Variants in SYT1 observed in about 807,000 individuals in gnomAD.
SYT1 encodes synaptotagmin 1, also known as synaptotagmin-1.
Under a neutral mutation model 44.8 loss-of-function variants are expected in SYT1, and 8 were observed. The ratio of observed to expected loss-of-function variants is 0.18; its 90% CI spans 0.10 to 0.32. The LOEUF is 0.32. Ranked by LOEUF, SYT1 falls within the 10% of genes least tolerant of loss-of-function variation. The pLI is 1.00. For missense variants in SYT1, 286 were observed against 509.3 expected (o/e 0.56, Z 4.22); for synonymous variants, 154 against 188.8 (o/e 0.82, Z 1.51).
intron 1 of SYT1, among the ~76,000 whole-genome samples, chr12:78,950,955 T>A (rs746596379): frequency 6.6e-5 from 10 of 152,054 alleles, no homozygotes; most frequent in Non-Finnish European, 1.5e-4. Context: ...TATTTCTACA[T>A]TTTAAATACA....
chr12:79,018,179 T>C (rs1365244080), intron 2 of SYT1, among the ~76,000 whole-genome samples: 1 of 151,472 alleles, frequency 6.6e-6, no homozygotes, highest in Non-Finnish European at 1.5e-5. Context: ...AAATGATGAG[T>C]TCATGTCCTT....
At chr12:79,061,335 T>A (rs1410894849) in intron 3 of SYT1, among the ~76,000 whole-genome samples, 1 of 151,980 alleles carries the variant, frequency 6.6e-6, no homozygotes, top group Non-Finnish European at 1.5e-5. Flanking sequence ...ATATTATATA[T>A]CCTATAATAC....
At chr12:78,969,811 G>A (rs931492916) in intron 1 of SYT1, among the ~76,000 whole-genome samples, 1 of 152,146 alleles carries the variant, frequency 6.6e-6, no homozygotes, top group Non-Finnish European at 1.5e-5. Flanking sequence ...CTTGCATTTT[G>A]AGTATTGCAT....
rs533702073 is a variant in SYT1 at position 79,267,904 on chromosome 12, T to A, written c.167-17883T>A. On this transcript the variant is annotated intron_variant, in intron 4 of 10. Transcript: ENST00000261205. ...CATTCCAATACTGTGAAGATATAGATGGCTTTGCCTTATCATTTAAAGCAG... is the reference window on the plus strand; with the variant it reads ...CATTCCAATACTGTGAAGATATAGAAGGCTTTGCCTTATCATTTAAAGCAG... 4.6e-5 allele frequency among the ~76,000 whole-genome samples: 7 copies of A among 152,354 alleles called. No homozygotes were observed. In the South Asian group the frequency reaches 1.5e-3, roughly 32 times the overall value.
chr12:79,062,421 G>A (rs1875460380), intron 3 of SYT1, among the ~76,000 whole-genome samples: 2 of 152,138 alleles, frequency 1.3e-5, no homozygotes, highest in Admixed American at 1.3e-4. Context: ...GTTCCCCACT[G>A]TGCATGAAGT....
intron 1 of SYT1, among the ~76,000 whole-genome samples, chr12:78,903,627 A>G (rs1735328736): frequency 6.6e-6 from 1 of 152,104 alleles, no homozygotes; most frequent in Non-Finnish European, 1.5e-5. Flanking sequence ...TTTTATAATT[A>G]TCTGTACAAT....
chr12:79,179,017 TATAG>T (rs1872127517), intron 3 of SYT1, among the ~76,000 whole-genome samples: 2 of 37,278 alleles, frequency 5.4e-5, no homozygotes, highest in Non-Finnish European at 1.1e-4. Context: ...GATATATAGA[TATAG>T]ATATAGATAT....
chr12:78,898,446 C>T (rs1334974169), intron 1 of SYT1, among the ~76,000 whole-genome samples: 2 of 152,056 alleles, frequency 1.3e-5, no homozygotes, highest in Non-Finnish European at 2.9e-5. Flanking sequence ...CAAAGAATTA[C>T]AAACAACATA....
intron 1 of SYT1, among the ~76,000 whole-genome samples, chr12:78,973,077 C>T (rs897822059): frequency 1.3e-5 from 2 of 152,082 alleles, no homozygotes; most frequent in Non-Finnish European, 1.5e-5. Flanking sequence ...TTTATTTACA[C>T]CTTTTTAATA....
chr12:79,163,326 A>G (rs1409674396), intron 3 of SYT1, among the ~76,000 whole-genome samples: 1 of 152,074 alleles, frequency 6.6e-6, no homozygotes, highest in African/African-American at 2.4e-5. Context: ...TCCTCTGTTT[A>G]AAAGAACTAA....
intron 7 of SYT1, among the ~76,000 whole-genome samples, chr12:79,296,874 T>G (rs971524952): frequency 6.6e-6 from 1 of 151,940 alleles, no homozygotes; most frequent in African/African-American, 2.4e-5. Flanking sequence ...CCTGCAGGTC[T>G]CCAGGATCTT....
At chr12:79,255,314 C>G (rs909530263) in intron 4 of SYT1, among the ~76,000 whole-genome samples, 1 of 152,184 alleles carries the variant, frequency 6.6e-6, no homozygotes, top group Admixed American at 6.5e-5. Context: ...CTCAGATGAT[C>G]GTCAGCATTT....
At chr12:79,384,357 C>T (rs1356384588) in intron 9 of SYT1, among the ~76,000 whole-genome samples, 1 of 152,008 alleles carries the variant, frequency 6.6e-6, no homozygotes, top group Non-Finnish European at 1.5e-5. Context: ...CAAAAAGAAT[C>T]TTTCATATAT....
Position 79,217,689 on chromosome 12 carries a change from A to G in SYT1, c.166+4A>G. 1 of 1,611,290 alleles carries G rather than the reference A, an allele frequency of 6.2e-7. No individual in the cohort carries two copies. On this transcript the variant is annotated splice_donor_region_variant and intron_variant, in intron 4 of 10. Transcript: ENST00000261205. ...AATGAGTTGCATAAAATTCCATGTGAGTATTCTATATTAGTACTTGAGTAA... is the reference window on the plus strand; with the variant it reads ...AATGAGTTGCATAAAATTCCATGTGGGTATTCTATATTAGTACTTGAGTAA...
intron 4 of SYT1, among the ~76,000 whole-genome samples, chr12:79,271,034 AT>A (rs1878395680): frequency 1.3e-5 from 2 of 152,236 alleles, no homozygotes; most frequent in African/African-American, 2.4e-5. Context: ...TAGGTGTGAG[AT>A]TCAATGAATG....
At chr12:79,352,495 C>A (rs1882951185) in intron 8 of SYT1, among the ~76,000 whole-genome samples, 1 of 152,104 alleles carries the variant, frequency 6.6e-6, no homozygotes, top group African/African-American at 2.4e-5. Context: ...ATAGCTAATT[C>A]TGCATGTCAG....
In SYT1 at chr12:79,123,309, A is replaced by ATGTGTGTGTGTGTG. The variant is rs66869713; in HGVS notation, c.-18+75977_-18+75990dup. 3.9e-3 allele frequency among the ~76,000 whole-genome samples: 557 copies of ATGTGTGTGTGTGTG among 141,616 alleles called. 3 individuals carry two copies. Among genetic ancestry groups the ATGTGTGTGTGTGTG allele is most frequent in the African/African-American group, 0.011 (430 of 38,444 alleles). 92.9% of individuals were successfully genotyped at this position (141,616 alleles called of 152,430 possible). A position where few individuals can be genotyped will look rare whatever the true frequency, so the allele number is the denominator to read the frequency against. On this transcript the variant is annotated intron_variant, in intron 3 of 10. Transcript: ENST00000261205. ...TGTTACATGTATCTCTAAAAATGCA[A>ATGTGTGTGTGTGTG]TGTGTGTGTGTGTGTGTGTGTGTGT...
Position 79,292,038 on chromosome 12 carries a change from T to C in SYT1, c.382T>C (p.Leu128=). 3 of 1,613,930 alleles carry C rather than the reference T, an allele frequency of 1.9e-6. No homozygotes were observed. The highest frequency in any genetic ancestry group is 2.5e-6 in the Non-Finnish European group (3 of 1,179,980). The change falls in exon 6 of 11, where the codon TTG becomes CTG. Residue 128 remains leucine (L), a synonymous_variant. Coordinates refer to ENST00000261205, the MANE Select transcript of SYT1 (RefSeq NM_005639.3). ...ALKDDDAETG[L]TDGEEKEEPK... ...CAAGGATGATGATGCTGAAACTGGA[T>C]TGACAGATGGAGAAGAAAAAGAAGA...
intron 3 of SYT1, among the ~76,000 whole-genome samples, chr12:79,104,474 T>C (rs1878605570): frequency 6.6e-6 from 1 of 152,050 alleles, no homozygotes. Flanking sequence ...AAATTATGAT[T>C]AGGAAATAAT....
Sources: allele counts gnomAD v4.1 joint callset (sites outside exome capture counted in the v4.1 genomes callset), GRCh38; gene constraint gnomAD v4.1.1; transcripts MANE v1.5; gene names NCBI Gene and HGNC (gene_info 2026-07-23, HGNC 2026-07-21).